RGL3: variants seen among roughly 807,000 people sequenced by gnomAD.
RGL3 encodes ral guanine nucleotide dissociation stimulator-like 3.
In RGL3, 85 loss-of-function variants were observed where a neutral mutation model predicts 90.6. The observed-to-expected ratio is 0.94, with a 90% CI of 0.79 to 1.12. The LOEUF (loss-of-function observed/expected upper bound fraction) is 1.12. Ranked by LOEUF, RGL3 falls within the 50% of genes most tolerant of loss-of-function variation. The probability of loss-of-function intolerance (pLI) is 0.00; values close to 1 mark genes in which losing one functional copy is unlikely to be tolerated. For synonymous variants in RGL3, 408 were observed against 385.5 expected (o/e 1.06, Z -0.68); for missense variants, 1,034 against 939.2 (o/e 1.10, Z -1.32).
intron 5 of RGL3, among the ~76,000 whole-genome samples, chr19:11,414,623 T>A (rs532206419): frequency 2.0e-5 from 3 of 148,210 alleles, no homozygotes; most frequent in Admixed American, 7.0e-5. Flanking sequence ...GCCACTATAA[T>A]CTGGAGATTA....
Position 11,416,842 on chromosome 19 carries a change from G to A in RGL3, c.365C>T (p.Pro122Leu). The A allele has an allele frequency of 1.9e-6, 3 of 1,613,710 alleles. No individual in the cohort carries two copies. Among genetic ancestry groups the A allele is most frequent in the Non-Finnish European group, 2.5e-6 (3 of 1,179,746 alleles). Residue 122 changes from proline to leucine, a missense_variant, in exon 3 of 19, where the codon CCT becomes CTT. Coordinates refer to ENST00000380456, the MANE Select transcript of RGL3 (RefSeq NM_001035223.4). ...FLLPPMPPPP[P>L]PGVEIKKTAV... The stretch of plus-strand genomic sequence containing the variant: ...GTTATGGTTCGCTACTGACCCGGGA[G>A]GTGGGGGCGGTGGCATTGGTGGCAG...
At chr19:11,401,204 A>G (rs1968669106) in intron 13 of RGL3, among the ~76,000 whole-genome samples, 1 of 149,086 alleles carries the variant, frequency 6.7e-6, no homozygotes, top group African/African-American at 2.5e-5. Flanking sequence ...GTTGAAATTG[A>G]GGTCAGAGGT....
At position 11,416,047 on chromosome 19, in the gene RGL3, C is replaced by T. The variant is rs752499762; in HGVS notation, c.527G>A (p.Gly176Asp). ...SDLGSVRTFLGWAAPGSAEAQ... is the reference protein window; with the variant it reads ...SDLGSVRTFLDWAAPGSAEAQ... ...CTCAGCACTCCCTGGGGCCGCCCAG[C>T]CCAGAAAGGTTCGGACACTGCCCAG... The change falls in exon 5 of 19, where the codon GGC becomes GAC. Residue 176 changes from glycine to aspartate, a missense_variant. By Grantham distance (94) the Gly-to-Asp change is moderately conservative. Transcript: ENST00000380456. 3 of 1,613,816 alleles carry T rather than the reference C, an allele frequency of 1.9e-6. No individual in the cohort carries two copies. The highest frequency in any genetic ancestry group is 1.7e-5 in the Admixed American group (1 of 59,940).
At chr19:11,395,096 A>G (rs574032689) in intron 18 of RGL3, among the ~76,000 whole-genome samples, 28 of 151,698 alleles carry the variant, frequency 1.8e-4, no homozygotes, top group African/African-American at 6.8e-4. Flanking sequence ...CCATCTCAAA[A>G]AAAAAAAAAC....
chr19:11,416,940 G>T lies in RGL3; in HGVS notation c.267C>A (p.Asp89Glu). Residue 89 changes from aspartate (D) to glutamate (E), a missense_variant, in exon 3 of 19, where the codon GAC becomes GAA. Coordinates refer to ENST00000380456, the MANE Select transcript of RGL3 (RefSeq NM_001035223.4). ...GELVFGDREQ[D>E]PSFMPAFLAT... ...CCAGGAAGGCGGGCATGAAGCTGGGGTCCTGCTCACGGTCTCCAAACACCA... is the reference window on the plus strand; with the variant it reads ...CCAGGAAGGCGGGCATGAAGCTGGGTTCCTGCTCACGGTCTCCAAACACCA... 1.2e-6 allele frequency: 2 copies of T among 1,614,096 alleles called. No individual in the cohort carries two copies. The highest frequency in any genetic ancestry group is 2.7e-5 in the African/African-American group (2 of 74,994).
Position 11,402,046 on chromosome 19 carries a change from G to A in RGL3, c.1449C>T (p.Ala483=), listed in dbSNP as rs143845569. The change falls in exon 13 of 19, where the codon GCC becomes GCT. Residue 483 remains alanine, a synonymous_variant. Coordinates refer to ENST00000380456, the MANE Select transcript of RGL3 (RefSeq NM_001035223.4). ...TLSPHPPILA[A]LHAQNQLTEE... is the part of the protein sequence containing the mutation. ...CGGTGAGCTGGTTCTGGGCATGCAGGGCAGCCAGGATGGGCGGGTGGGGGC... is the reference window on the plus strand; with the variant it reads ...CGGTGAGCTGGTTCTGGGCATGCAGAGCAGCCAGGATGGGCGGGTGGGGGC... 1.3e-6 allele frequency: 2 copies of A among 1,568,986 alleles called. No individual in the cohort carries two copies. The highest frequency in any genetic ancestry group is 1.7e-6 in the Non-Finnish European group (2 of 1,157,324).
In RGL3 at chr19:11,406,712, G is replaced by A. The variant is rs779884198; in HGVS notation, c.780+10C>T. ...CTGTGGCTCATCCCGACCCTGTCCGGGATCCTCACCAAGTCTATGAGGGTC... is the reference window on the plus strand; with the variant it reads ...CTGTGGCTCATCCCGACCCTGTCCGAGATCCTCACCAAGTCTATGAGGGTC... On this transcript the variant is annotated intron_variant, in intron 6 of 18. Coordinates refer to ENST00000380456, the MANE Select transcript of RGL3 (RefSeq NM_001035223.4). The A allele has an allele frequency of 1.9e-5, 30 of 1,613,524 alleles. No homozygotes were observed. Among genetic ancestry groups the A allele is most frequent in the Non-Finnish European group, 2.5e-5 (30 of 1,179,886 alleles).
At chr19:11,394,656 C>A in intron 18 of RGL3, 136 bp from the exon 19 acceptor site, 1 of 663,414 alleles carries the variant, frequency 1.5e-6, no homozygotes, top group South Asian at 1.8e-5. Flanking sequence ...CCAAGCCAAG[C>A]TCATTCTGCT....
chr19:11,395,210 C>A (rs916020059), intron 18 of RGL3, among the ~76,000 whole-genome samples: 1 of 152,126 alleles, frequency 6.6e-6, no homozygotes, highest in South Asian at 2.1e-4. Context: ...ACCCCTCCCC[C>A]ACAACCACTC....
Position 11,400,182 on chromosome 19 carries a change from A to G in RGL3, c.1580+20T>C. On this transcript the variant is annotated intron_variant, in intron 14 of 18. Coordinates refer to ENST00000380456, the MANE Select transcript of RGL3 (RefSeq NM_001035223.4). ...GATATCTGCCCACATCACCGCCCCT[A>G]CACACACCCCGAGACTCACGCACTG... is the stretch of plus-strand genomic sequence containing the variant. The G allele has an allele frequency of 6.3e-7, 1 of 1,575,996 alleles. No individual in the cohort carries two copies. The highest frequency in any genetic ancestry group is 1.7e-4 in the Middle Eastern group (1 of 5,900).
chr19:11,417,860 TG>T (rs1969031362), intron 2 of RGL3, among the ~76,000 whole-genome samples: 1 of 152,150 alleles, frequency 6.6e-6, no homozygotes, highest in South Asian at 2.1e-4. Context: ...GGTCTTGTTT[TG>T]TTGCCCAGGC....
In RGL3 at chr19:11,406,566, C is replaced by T. The variant is rs1968785151; in HGVS notation, c.849G>A (p.Gly283=). The T allele has an allele frequency of 1.3e-6, 2 of 1,550,744 alleles. No individual in the cohort carries two copies. Among genetic ancestry groups the T allele is most frequent in the Non-Finnish European group, 1.7e-6 (2 of 1,147,658 alleles). Residue 283 remains glycine (G), a synonymous_variant, in exon 7 of 19, where the codon GGG becomes GGA. Coordinates refer to ENST00000380456, the MANE Select transcript of RGL3 (RefSeq NM_001035223.4). ...GSVWSQRDRP[G]AAGASPTVRA... is the part of the protein sequence containing the mutation. ...GCACAGTGGGGGAGGCGCCTGCAGCCCCCGGCCGGTCCCTCTGCGACCACA... is the reference window on the plus strand; with the variant it reads ...GCACAGTGGGGGAGGCGCCTGCAGCTCCCGGCCGGTCCCTCTGCGACCACA...
rs755974412 is a variant in RGL3, at chr19:11,405,213, G to A, written c.1119C>T (p.Phe373=). Residue 373 remains phenylalanine (F), a synonymous_variant, in exon 9 of 19, where the codon TTC becomes TTT. Transcript: ENST00000380456. ...GAVSREPLST[F]RKLSQIFSDE... Reference sequence around the variant, plus strand: ...CGGAGAAAATCTGCGAAAGTTTCCTGAAAGTAGATAGCGGTTCCCTGGAAG... The same window carrying A: ...CGGAGAAAATCTGCGAAAGTTTCCTAAAAGTAGATAGCGGTTCCCTGGAAG... 1 of 1,614,118 alleles carries A rather than the reference G, an allele frequency of 6.2e-7. No homozygotes were observed. Among genetic ancestry groups the A allele is most frequent in the African/African-American group, 1.3e-5 (1 of 75,050 alleles).
Position 11,394,401 on chromosome 19 carries a change from C to T in RGL3, c.*1G>A, listed in dbSNP as rs1599425829. Reference sequence around the variant, plus strand: ...TGTCTTGTGGAGAGGACAGGGCTGCCTCAGCTTGGGGAGACAGACAGAGTG... The same window carrying T: ...TGTCTTGTGGAGAGGACAGGGCTGCTTCAGCTTGGGGAGACAGACAGAGTG... On this transcript the variant is annotated 3_prime_UTR_variant, in exon 19 of 19. Coordinates refer to ENST00000380456, the MANE Select transcript of RGL3 (RefSeq NM_001035223.4). The T allele has an allele frequency of 5.6e-6, 9 of 1,612,002 alleles. No homozygotes were observed. Among genetic ancestry groups the T allele is most frequent in the East Asian group, 2.2e-5 (1 of 44,868 alleles).
chr19:11,394,286 G>A lies in RGL3; in HGVS notation c.*116C>T, dbSNP rs946922403. ...ATGGGGTCCAATGGGCTACAGTTGGGTGGTGGTCCTGGGATACACAGCACA... is the reference window on the plus strand; with the variant it reads ...ATGGGGTCCAATGGGCTACAGTTGGATGGTGGTCCTGGGATACACAGCACA... On this transcript the variant is annotated 3_prime_UTR_variant, in exon 19 of 19. Transcript: ENST00000380456. 9 of 775,380 alleles carry A rather than the reference G, an allele frequency of 1.2e-5. No homozygotes were observed. The highest frequency in any genetic ancestry group is 7.3e-5 in the Admixed American group (4 of 54,744). 48.0% of individuals were successfully genotyped at this position (775,380 alleles called of 1,614,324 possible).
Position 11,406,499 on chromosome 19 carries a change from G to C in RGL3, c.916C>G (p.Leu306Val), listed in dbSNP as rs763258875. 23 of 1,554,988 alleles carry C rather than the reference G, an allele frequency of 1.5e-5. 1 individual carries two copies. The East Asian group carries it at 5.2e-4, about 35-fold the overall frequency. Residue 306 changes from leucine (L) to valine (V), a missense_variant, in exon 7 of 19, where the codon CTG (leucine) becomes GTG (valine). Coordinates refer to ENST00000380456, the MANE Select transcript of RGL3 (RefSeq NM_001035223.4). The part of the protein sequence containing the change: ...AQFNTVTGCV[L>V]GSVLGAPGLA... ...CCCGGTGCTCCGAGCACGGAACCCA[G>C]CACACAGCCGGTCACGGTGTTGAAC...
intron 5 of RGL3, among the ~76,000 whole-genome samples, chr19:11,408,436 A>C (rs1968819028): frequency 6.6e-6 from 1 of 151,956 alleles, no homozygotes; most frequent in African/African-American, 2.4e-5. Context: ...AAATACAAAA[A>C]TTAGCCGGGC....
chr19:11,395,735 C>T (rs1453368047), intron 18 of RGL3, among the ~76,000 whole-genome samples: 3 of 151,882 alleles, frequency 2.0e-5, no homozygotes, highest in Non-Finnish European at 4.4e-5. Context: ...TCAAGTGATT[C>T]TTCTGCCTCA....
At chr19:11,395,365 G>A (rs1233185059) in intron 18 of RGL3, among the ~76,000 whole-genome samples, 19 of 152,174 alleles carry the variant, frequency 1.2e-4, no homozygotes, top group Non-Finnish European at 1.5e-5. Context: ...ATGTACTTCA[G>A]CGTGAATACG....
Sources: allele counts gnomAD v4.1 joint callset (sites outside exome capture counted in the v4.1 genomes callset), GRCh38; gene constraint gnomAD v4.1.1; transcripts MANE v1.5; gene names NCBI Gene and HGNC (gene_info 2026-07-23, HGNC 2026-07-21).